Variants in STAU1 observed in about 807,000 individuals in gnomAD.
The protein encoded by STAU1 is staufen double-stranded RNA binding protein 1, also known as double-stranded RNA-binding protein Staufen homolog 1.
A neutral mutation model predicts 62.9 loss-of-function variants in STAU1; 13 were observed. That is an observed-to-expected ratio of 0.21 (90% CI 0.13 to 0.33). The LOEUF (loss-of-function observed/expected upper bound fraction) is 0.33, where lower values mean the gene tolerates loss of function less well. Ranked by LOEUF, STAU1 falls within the 10% of genes least tolerant of loss-of-function variation. The pLI, the probability that STAU1 is intolerant of heterozygous loss-of-function variation, is 1.00. For synonymous variants in STAU1, 269 were observed against 265.1 expected (o/e 1.01, Z -0.14); for missense variants, 571 against 712.1 (o/e 0.80, Z 2.25).
At chr20:49,212,346 T>C in the STAU1 span, among the ~76,000 whole-genome samples, 1 of 152,182 alleles carries the variant, frequency 6.6e-6, no homozygotes, top group African/African-American at 2.4e-5. Flanking sequence ...GAAATTTTGT[T>C]TATTTTTCTA....
the STAU1 span, among the ~76,000 whole-genome samples, chr20:49,194,162 C>T: frequency 0.28 from 42,101 of 151,598 alleles, 6,523 homozygotes; most frequent in East Asian, 0.53. Context: ...GGCACTGTGG[C>T]TCCCACCTGT....
chr20:49,212,125 G>A, the STAU1 span, among the ~76,000 whole-genome samples: 1 of 152,132 alleles, frequency 6.6e-6, no homozygotes, highest in African/African-American at 2.4e-5. Context: ...GAGTAGCTGG[G>A]ACTACAGGTA....
intron 3 of STAU1, among the ~76,000 whole-genome samples, chr20:49,156,883 T>C (rs1287272833): frequency 2.0e-5 from 3 of 152,036 alleles, no homozygotes; most frequent in Non-Finnish European, 4.4e-5. Context: ...CTGAAATTTT[T>C]TTTTTTTTTT....
intron 3 of STAU1, among the ~76,000 whole-genome samples, chr20:49,154,466 T>C (rs1188789324): frequency 1.3e-5 from 2 of 152,230 alleles, no homozygotes; most frequent in Non-Finnish European, 2.9e-5. Context: ...GTTGTACTGA[T>C]TTACAGGATT....
intron 1 of STAU1, among the ~76,000 whole-genome samples, chr20:49,187,487 A>G (rs2093802339): frequency 6.6e-6 from 1 of 152,260 alleles, no homozygotes; most frequent in South Asian, 2.1e-4. Flanking sequence ...TTATACCTTC[A>G]TATCACGCTA....
the STAU1 span, among the ~76,000 whole-genome samples, chr20:49,200,901 TG>T: frequency 6.6e-6 from 1 of 150,878 alleles, no homozygotes; most frequent in Non-Finnish European, 1.5e-5. Flanking sequence ...TAGCCAGGTA[TG>T]GTGGTGCACG....
chr20:49,182,604 C>T (rs1019069416), intron 1 of STAU1, among the ~76,000 whole-genome samples: 21 of 152,130 alleles, frequency 1.4e-4, no homozygotes, highest in African/African-American at 4.1e-4. Flanking sequence ...TTCGGGAGGC[C>T]GAGGTGGGCG....
chr20:49,183,596 C>T (rs976732238), intron 1 of STAU1, among the ~76,000 whole-genome samples: 1 of 152,236 alleles, frequency 6.6e-6, no homozygotes, highest in Non-Finnish European at 1.5e-5. Flanking sequence ...GCCCCACAAA[C>T]TGAGACTACC....
In STAU1 at chr20:49,124,473, C is replaced by A. The variant is rs1328705795; in HGVS notation, c.724G>T (p.Ala242Ser). 6.2e-7 allele frequency: 1 copy of A among 1,614,142 alleles called. No individual in the cohort carries two copies. The highest frequency in any genetic ancestry group is 2.2e-5 in the East Asian group (1 of 44,880). ...TTCAGCTCCTCAAGAACAGCTATGG[C>A]GGCATTTTTCTTTGAAATCTTCTTG... ...KSKKISKKNAAIAVLEELKKL... is the reference protein window; with the variant it reads ...KSKKISKKNASIAVLEELKKL... Residue 242 changes from alanine to serine, a missense_variant, in exon 7 of 14, where the codon GCC (alanine) becomes TCC (serine). Physicochemically the swap from Ala to Ser is moderately conservative, Grantham distance 99. This residue lies in a region of STAU1 where 414 missense variants were observed against 499.6 expected (regional missense o/e 0.83). Transcript: ENST00000371856.
At chr20:49,219,190 A>C in the STAU1 span, 1 of 659,536 alleles carries the variant, frequency 1.5e-6, no homozygotes, top group Admixed American at 3.0e-5. Flanking sequence ...CACCCTCCTC[A>C]AATACTGCCA....
the STAU1 span, among the ~76,000 whole-genome samples, chr20:49,196,379 G>A: frequency 6.7e-6 from 1 of 149,424 alleles, no homozygotes; most frequent in Non-Finnish European, 1.5e-5. Flanking sequence ...GGAGCCTGCA[G>A]TGAACTGAGA....
At chr20:49,164,028 T>A (rs1163266975) in intron 3 of STAU1, among the ~76,000 whole-genome samples, 3 of 152,038 alleles carry the variant, frequency 2.0e-5, no homozygotes, top group Non-Finnish European at 4.4e-5. Flanking sequence ...GATCAGGAGT[T>A]GGAGATGAGC....
At chr20:49,125,285 T>C (rs1413233308) in intron 6 of STAU1, among the ~76,000 whole-genome samples, 2 of 144,418 alleles carry the variant, frequency 1.4e-5, no homozygotes, top group African/African-American at 2.5e-5. Context: ...TCCCAGCAAT[T>C]TGGGAGACCA....
At chr20:49,131,884 T>C (rs1282869288) in intron 6 of STAU1, among the ~76,000 whole-genome samples, 3 of 151,636 alleles carry the variant, frequency 2.0e-5, no homozygotes, top group Non-Finnish European at 4.4e-5. Context: ...CAAGCAAATA[T>C]GGTAAAATGT....
At chr20:49,196,093 C>T in the STAU1 span, among the ~76,000 whole-genome samples, 1 of 148,252 alleles carries the variant, frequency 6.7e-6, no homozygotes, top group South Asian at 2.2e-4. Context: ...CACTGCACTC[C>T]AGCCTGGGCG....
intron 1 of STAU1, among the ~76,000 whole-genome samples, chr20:49,180,555 C>T (rs1228134119): frequency 6.6e-6 from 1 of 152,212 alleles, no homozygotes; most frequent in Admixed American, 6.5e-5. Flanking sequence ...AACTCCTGAC[C>T]TCAGGTGATG....
intron 2 of STAU1, among the ~76,000 whole-genome samples, chr20:49,171,582 C>T (rs969101749): frequency 6.6e-6 from 1 of 152,220 alleles, no homozygotes; most frequent in African/African-American, 2.4e-5. Context: ...CCACCGCACC[C>T]AGCCTATACC....
chr20:49,213,978 G>A, the STAU1 span, among the ~76,000 whole-genome samples: 46,185 of 150,920 alleles, frequency 0.31, 7,726 homozygotes, highest in East Asian at 0.44. Flanking sequence ...TTGGGAGGCC[G>A]AGGCGGGTGG....
At chr20:49,216,555 TAAA>T in the STAU1 span, among the ~76,000 whole-genome samples, 67,359 of 151,448 alleles carry the variant, frequency 0.44, 16,337 homozygotes, top group Middle Eastern at 0.59. Context: ...TAAAAAAAAT[TAAA>T]AACTCTCAAA....
Sources: gnomAD v4.1 joint callset for allele counts (sites outside exome capture counted in the v4.1 genomes callset) on GRCh38, gnomAD v4.1.1 for gene constraint, gnomAD v4.1.1 regional missense constraint, MANE v1.5 for transcripts, NCBI Gene and HGNC (gene_info 2026-07-23, HGNC 2026-07-21) for gene names.